ANKRD36: variants seen among roughly 807,000 people sequenced by gnomAD.
ANKRD36 encodes ankyrin repeat domain-containing protein 36A.
Under a neutral mutation model 278.1 loss-of-function variants are expected in ANKRD36, and 179 were observed. The ratio of observed to expected loss-of-function variants is 0.64; its 90% CI spans 0.57 to 0.73. The LOEUF is 0.73. ANKRD36 is among the 30% of genes least tolerant of loss of function. ANKRD36 has a pLI of 0.00. For missense variants in ANKRD36, 1,159 were observed against 1,956.7 expected (o/e 0.59, Z 7.69); for synonymous variants, 320 against 641.1 (o/e 0.50, Z 7.57).
chr2:97,129,964 C>G (rs35479416), intron 6 of ANKRD36, among the ~76,000 whole-genome samples: 91,771 of 151,698 alleles, frequency 0.6, 31,516 homozygotes, highest in Non-Finnish European at 0.79. Flanking sequence ...GCTCTTTTTT[C>G]GTTCCATATG....
At chr2:97,131,346 C>G (rs986122607) in intron 6 of ANKRD36, among the ~76,000 whole-genome samples, 4 of 151,968 alleles carry the variant, frequency 2.6e-5, no homozygotes, top group African/African-American at 9.7e-5. Flanking sequence ...GCATATGCCA[C>G]CACACCAAGC....
intron 3 of ANKRD36, among the ~76,000 whole-genome samples, chr2:97,121,997 C>T (rs1358861784): frequency 7.0e-6 from 1 of 142,956 alleles, no homozygotes; most frequent in African/African-American, 2.5e-5. Context: ...TGAAAGTTCA[C>T]TCGAAGCCTA....
chr2:97,124,277 C>G (rs1248052708), intron 4 of ANKRD36, among the ~76,000 whole-genome samples, 183 bp from the exon 5 acceptor site: 1 of 151,830 alleles, frequency 6.6e-6, no homozygotes, highest in Non-Finnish European at 1.5e-5. Context: ...CCTTTTTGTT[C>G]CTTGCTTTTA....
Position 97,158,173 on chromosome 2 carries a change from C to G in ANKRD36, c.1321+6C>G. 2.0e-6 allele frequency: 3 copies of G among 1,488,202 alleles called. No homozygotes were observed. Among genetic ancestry groups the G allele is most frequent in the Non-Finnish European group, 2.7e-6 (3 of 1,104,178 alleles). The allele number at this position is 1,488,202 out of a possible 1,614,324, so 92.2% of individuals were successfully genotyped here. The stretch of plus-strand genomic sequence containing the variant: ...TCAACAATCTGCAGAAAATTGTAAG[C>G]TATTTGAAACCTGACTATTATATTA... On this transcript the variant is annotated splice_donor_region_variant and intron_variant, in intron 16 of 75. Coordinates refer to ENST00000420699, the MANE Select transcript of ANKRD36 (RefSeq NM_001354587.1).
At chr2:97,203,324 G>A (rs1160881117) in intron 48 of ANKRD36, among the ~76,000 whole-genome samples, 1 of 151,834 alleles carries the variant, frequency 6.6e-6, no homozygotes, top group Non-Finnish European at 1.5e-5. Flanking sequence ...AATATCTAAT[G>A]CTTGTAGCAG....
chr2:97,149,033 T>G (rs2443884), intron 11 of ANKRD36, among the ~76,000 whole-genome samples: 2 of 151,992 alleles, frequency 1.3e-5, no homozygotes, highest in East Asian at 2.0e-4. Context: ...CACTATTTGT[T>G]ATGGGTTTAA....
intron 14 of ANKRD36, among the ~76,000 whole-genome samples, chr2:97,153,901 T>C (rs913379091): frequency 1.4e-5 from 2 of 146,412 alleles, no homozygotes; most frequent in African/African-American, 4.9e-5. Flanking sequence ...AGGGAGACTT[T>C]TCCACTAGTC....
In ANKRD36 at chr2:97,243,158, A is replaced by C. The variant is rs1427890028; in HGVS notation, c.4308-688A>C. Reference sequence around the variant, plus strand: ...CCGACACAGCCCTCAGGAGGTCCTGAGAACATGTGCCCGAGGTGGTCGGGG... The same window carrying C: ...CCGACACAGCCCTCAGGAGGTCCTGCGAACATGTGCCCGAGGTGGTCGGGG... On this transcript the variant is annotated intron_variant, in intron 69 of 75. Coordinates refer to ENST00000420699, the MANE Select transcript of ANKRD36 (RefSeq NM_001354587.1). Among the ~76,000 whole-genome samples the C allele has an allele frequency of 2.8e-5, 4 of 142,788 alleles. 1 individual carries two copies. The highest frequency in any genetic ancestry group is 6.3e-5 in the Non-Finnish European group (4 of 63,446). 93.7% of individuals were successfully genotyped at this position (142,788 alleles called of 152,430 possible).
intron 6 of ANKRD36, among the ~76,000 whole-genome samples, chr2:97,130,181 G>A (rs1429565065): frequency 2.6e-5 from 4 of 151,572 alleles, no homozygotes; most frequent in African/African-American, 9.7e-5. Context: ...CAATAGCAAA[G>A]ACATGGAACC....
At chr2:97,227,949 C>G (rs943700462) in intron 67 of ANKRD36, among the ~76,000 whole-genome samples, 2 of 152,082 alleles carry the variant, frequency 1.3e-5, no homozygotes, top group African/African-American at 4.8e-5. Context: ...TATTTATTTG[C>G]GTATATTGAA....
Position 97,113,834 on chromosome 2 carries a change from A to C in ANKRD36, c.95A>C (p.His32Pro). 1.2e-6 allele frequency: 2 copies of C among 1,613,172 alleles called. No homozygotes were observed. Among genetic ancestry groups the C allele is most frequent in the Non-Finnish European group, 1.7e-6 (2 of 1,180,012 alleles). ...AFPQYPIKPY[H>P]LKRIHRAVLH... ...CCCCAATACCCCATTAAACCGTATCATCTGAAGAGGATCCACAGAGCTGTC... is the reference window on the plus strand; with the variant it reads ...CCCCAATACCCCATTAAACCGTATCCTCTGAAGAGGATCCACAGAGCTGTC... The change falls in exon 1 of 76, where the codon CAT (histidine) becomes CCT (proline). Residue 32 changes from histidine to proline, a missense_variant. Transcript: ENST00000420699.
intron 46 of ANKRD36, among the ~76,000 whole-genome samples, chr2:97,201,228 T>C (rs1288853546): frequency 6.6e-6 from 1 of 151,916 alleles, no homozygotes; most frequent in African/African-American, 2.4e-5. Flanking sequence ...TGATTTTAGT[T>C]ATAGAAATGA....
At chr2:97,256,357 CAA>C (rs60552631) in intron 75 of ANKRD36, among the ~76,000 whole-genome samples, 1 of 140,930 alleles carries the variant, frequency 7.1e-6, no homozygotes, top group African/African-American at 2.8e-5. Flanking sequence ...AACTCCGCTT[CAA>C]AAAAAAAAAA....
intron 1 of ANKRD36, among the ~76,000 whole-genome samples, chr2:97,114,810 T>C (rs1488127109): frequency 6.7e-6 from 1 of 148,826 alleles, no homozygotes; most frequent in Non-Finnish European, 1.5e-5. Context: ...AGTTCTGAGC[T>C]CTTTCTGTGT....
chr2:97,150,233 G>A (rs942776318), intron 12 of ANKRD36, among the ~76,000 whole-genome samples: 4 of 151,604 alleles, frequency 2.6e-5, no homozygotes, highest in Non-Finnish European at 4.4e-5. Context: ...ATATTTTATG[G>A]TCAGACTTTA....
chr2:97,154,902 T>G (rs1277439581), intron 15 of ANKRD36, among the ~76,000 whole-genome samples, 161 bp downstream of exon 15: 1 of 144,896 alleles, frequency 6.9e-6, no homozygotes, highest in Non-Finnish European at 1.6e-5. Flanking sequence ...ATAGGGGGGG[T>G]TAATTTTAAT....
rs563797420 is a variant in ANKRD36, at chr2:97,191,449, G to T, written c.2347+268G>T. Among the ~76,000 whole-genome samples the T allele has an allele frequency of 2.0e-5, 3 of 151,784 alleles. No individual in the cohort carries two copies. In the East Asian group the frequency reaches 5.9e-4, roughly 30 times the overall value. On this transcript the variant is annotated intron_variant, in intron 36 of 75. Transcript: ENST00000420699. ...AAGACATAAGGGGCTCTGGGGAACA[G>T]CATAATTTTGCTTTAACTCTACAGC...
chr2:97,220,896 T>C (rs1173369959), intron 66 of ANKRD36, among the ~76,000 whole-genome samples: 1 of 146,200 alleles, frequency 6.8e-6, no homozygotes, highest in Non-Finnish European at 1.5e-5. Context: ...CATCTAGCAT[T>C]AGGTATATCT....
intron 66 of ANKRD36, among the ~76,000 whole-genome samples, chr2:97,220,501 C>T (rs2067114947): frequency 2.0e-5 from 3 of 151,338 alleles, no homozygotes; most frequent in Admixed American, 2.0e-4. Flanking sequence ...GCCTTCCTTT[C>T]TTTGCCTGGA....
Sources: allele counts gnomAD v4.1 joint callset (sites outside exome capture counted in the v4.1 genomes callset), GRCh38; gene constraint gnomAD v4.1.1; transcripts MANE v1.5; gene names NCBI Gene and HGNC (gene_info 2026-07-23, HGNC 2026-07-21).